The following NEDD4 variants were observed in gnomAD, a reference collection of about 807,000 sequenced individuals.
NEDD4 encodes E3 ubiquitin-protein ligase NEDD4.
A neutral mutation model predicts 144.9 loss-of-function variants in NEDD4; 99 were observed. That is an observed-to-expected ratio of 0.68 (90% CI 0.58 to 0.81). The LOEUF (loss-of-function observed/expected upper bound fraction) is 0.81, where lower values mean the gene tolerates loss of function less well. Among genes scored for constraint, NEDD4 ranks in the 30% least tolerant of loss-of-function variants. The pLI is 0.00. For missense variants in NEDD4, 985 were observed against 1,065.9 expected, an observed-to-expected ratio of 0.92 and a Z score of 1.06; for synonymous variants, 318 against 350.6, an observed-to-expected ratio of 0.91 and a Z score of 1.04.
intron 14 of NEDD4, among the ~76,000 whole-genome samples, chr15:55,850,192 G>GT (rs1212730459): frequency 1.3e-5 from 2 of 152,012 alleles, no homozygotes; most frequent in African/African-American, 2.4e-5. Context: ...GCCTCACAAG[G>GT]TTTTTTTGAT....
At chr15:55,926,057 A>T (rs1411149498) in intron 4 of NEDD4, among the ~76,000 whole-genome samples, 4 of 152,044 alleles carry the variant, frequency 2.6e-5, no homozygotes, top group Admixed American at 2.0e-4. Flanking sequence ...CAGTATGTAA[A>T]ATACATATAC....
intron 1 of NEDD4, among the ~76,000 whole-genome samples, chr15:55,978,922 C>CAAA (rs61198421): frequency 4.7e-4 from 61 of 128,816 alleles, no homozygotes; most frequent in East Asian, 3.3e-3. Flanking sequence ...CTTGACAACG[C>CAAA]AAAAAAAAAA....
At position 55,950,663 on chromosome 15, in the gene NEDD4, G is replaced by A. The variant is rs150090998; in HGVS notation, c.237+713C>T. Among the ~76,000 whole-genome samples, 570 of 152,234 alleles carry A rather than the reference G, an allele frequency of 3.7e-3. 4 individuals are homozygous for A. The highest frequency in any genetic ancestry group is 5.8e-3 in the Non-Finnish European group (393 of 68,008). ...AGTACAGTGGGTTAACGAGCGTCCC[G>A]GAGAAGCAGAAATGACGAGGGCAGA... On this transcript the variant is annotated intron_variant, in intron 4 of 28. Transcript: ENST00000435532.
At chr15:55,990,776 C>T (rs2037978066) in intron 1 of NEDD4, among the ~76,000 whole-genome samples, 1 of 152,154 alleles carries the variant, frequency 6.6e-6, no homozygotes, top group Non-Finnish European at 1.5e-5. Context: ...ATTCCAGTCC[C>T]CGCATCCACC....
chr15:55,877,335 A>C (rs1306960789), intron 5 of NEDD4, among the ~76,000 whole-genome samples: 2 of 152,196 alleles, frequency 1.3e-5, no homozygotes, highest in Admixed American at 1.3e-4. Context: ...CTAGTCATAG[A>C]ACATCCTTCT....
intron 4 of NEDD4, among the ~76,000 whole-genome samples, chr15:55,943,878 C>T (rs547754374): frequency 6.6e-6 from 1 of 152,320 alleles, no homozygotes; most frequent in South Asian, 2.1e-4. Flanking sequence ...CCTGTGAAAG[C>T]AGCTGAAGGG....
intron 5 of NEDD4, chr15:55,915,911 T>C (rs756565933): frequency 5.0e-6 from 8 of 1,613,932 alleles, no homozygotes; most frequent in Non-Finnish European, 6.8e-6. Flanking sequence ...CCTCATTATG[T>C]GCAATTTCAC....
At chr15:55,975,072 T>C (rs927833362) in intron 1 of NEDD4, among the ~76,000 whole-genome samples, 3 of 151,768 alleles carry the variant, frequency 2.0e-5, no homozygotes, top group Admixed American at 6.6e-5. Flanking sequence ...TTTGTATTTT[T>C]AGTAGAGACA....
rs1192983754 is a variant in NEDD4 at position 55,848,876 on chromosome 15, C to G, written c.1358G>C (p.Arg453Thr). 1.2e-6 allele frequency: 2 copies of G among 1,613,266 alleles called. No homozygotes were observed. Among genetic ancestry groups the G allele is most frequent in the Non-Finnish European group, 1.7e-6 (2 of 1,179,496 alleles). ...TCTCAGATGGGCTGGAATTTTCAAT[C>G]TTGGATCTTCCTTTTTTGGTAGAGT... ...NTKTTTWEDP[R>T]LKIPAHLRGK... The change falls in exon 15 of 29, where the codon AGA (arginine) becomes ACA (threonine). Residue 453 changes from arginine (R) to threonine (T), a missense_variant. Physicochemically the swap from Arg to Thr is moderately conservative, Grantham distance 71 (BLOSUM62 -1). Coordinates refer to ENST00000435532, the MANE Select transcript of NEDD4 (RefSeq NM_006154.4).
chr15:55,873,773 G>A (rs145203909), intron 6 of NEDD4, among the ~76,000 whole-genome samples, 185 bp downstream of exon 6: 92 of 152,098 alleles, frequency 6.0e-4, no homozygotes, highest in African/African-American at 2.1e-3. Context: ...GTTCATGAAC[G>A]GAAATCTTAA....
At chr15:55,956,391 G>A (rs1255472163) in intron 2 of NEDD4, among the ~76,000 whole-genome samples, 1 of 152,036 alleles carries the variant, frequency 6.6e-6, no homozygotes, top group African/African-American at 2.4e-5. Flanking sequence ...TAACCCAATA[G>A]AGCAAAGATT....
At chr15:55,886,617 A>G (rs1383004554) in intron 5 of NEDD4, among the ~76,000 whole-genome samples, 5 of 152,008 alleles carry the variant, frequency 3.3e-5, no homozygotes, top group Non-Finnish European at 7.4e-5. Flanking sequence ...ACAAAAAATT[A>G]GCAGAGCGTG....
intron 4 of NEDD4, among the ~76,000 whole-genome samples, chr15:55,936,650 G>A (rs1377167933): frequency 6.6e-6 from 1 of 152,164 alleles, no homozygotes; most frequent in African/African-American, 2.4e-5. Context: ...GCAGAATGTA[G>A]GAAATGGGGT....
chr15:55,969,786 G>C (rs2142335524), intron 1 of NEDD4, among the ~76,000 whole-genome samples: 1 of 152,178 alleles, frequency 6.6e-6, no homozygotes, highest in East Asian at 1.9e-4. Context: ...CACAGGCCTT[G>C]GGCAAGACTC....
chr15:55,981,054 T>C lies in NEDD4; in HGVS notation c.45+12457A>G, dbSNP rs1327888458. On this transcript the variant is annotated intron_variant, in intron 1 of 28. Transcript: ENST00000435532. ...GCATATTTTTTCCTTTTTTTTTTTT[T>C]TGAGACGGAGTCTCACCTCTGTCGC... 3.3e-5 allele frequency among the ~76,000 whole-genome samples: 5 copies of C among 151,794 alleles called. No homozygotes were observed. The East Asian group carries it at 9.6e-4, about 29-fold the overall frequency.
chr15:55,928,404 C>T (rs1044442073), intron 4 of NEDD4, among the ~76,000 whole-genome samples: 1 of 152,156 alleles, frequency 6.6e-6, no homozygotes, highest in Non-Finnish European at 1.5e-5. Context: ...AAGTTGTCCC[C>T]AATGGTCTAA....
intron 5 of NEDD4, among the ~76,000 whole-genome samples, chr15:55,921,888 G>C (rs879877583): frequency 2.6e-5 from 4 of 152,208 alleles, no homozygotes; most frequent in African/African-American, 4.8e-5. Context: ...AAAGTTACTG[G>C]CAAAATGGAC....
intron 4 of NEDD4, among the ~76,000 whole-genome samples, chr15:55,942,813 G>T (rs1011000634): frequency 6.6e-6 from 1 of 152,220 alleles, no homozygotes; most frequent in Non-Finnish European, 1.5e-5. Context: ...GGTTGAAACA[G>T]TTTGGAGAGA....
intron 5 of NEDD4, among the ~76,000 whole-genome samples, chr15:55,893,044 AC>A (rs1300418990): frequency 6.6e-6 from 1 of 152,186 alleles, no homozygotes. Flanking sequence ...AATAAAGATT[AC>A]AGTAAACTAA....
Sources: allele counts gnomAD v4.1 joint callset (sites outside exome capture counted in the v4.1 genomes callset), GRCh38; gene constraint gnomAD v4.1.1; transcripts MANE v1.5; gene names NCBI Gene and HGNC (gene_info 2026-07-23, HGNC 2026-07-21).